Variants in LRMDA observed in about 807,000 individuals in gnomAD.
LRMDA encodes leucine rich melanocyte differentiation associated, also known as leucine-rich melanocyte differentiation-associated protein.
In LRMDA, 18 loss-of-function variants were observed where a neutral mutation model predicts 29.8. The observed-to-expected ratio is 0.60, with a 90% CI of 0.42 to 0.90. The LOEUF (loss-of-function observed/expected upper bound fraction) is 0.90, where lower values mean the gene tolerates loss of function less well. LRMDA is among the 40% of genes least tolerant of loss of function. The pLI is 0.00. For missense variants in LRMDA, 273 were observed against 273.9 expected (o/e 1.00, Z 0.02); for synonymous variants, 125 against 109.4 (o/e 1.14, Z -0.89).
intron 5 of LRMDA, among the ~76,000 whole-genome samples, chr10:76,140,654 T>C (rs1042642726): frequency 6.6e-5 from 10 of 152,094 alleles, no homozygotes; most frequent in Non-Finnish European, 1.5e-4. Flanking sequence ...CCAAAGACTT[T>C]CTCACCTTCT....
At chr10:76,441,132 G>A (rs1396893018) in intron 6 of LRMDA, among the ~76,000 whole-genome samples, 1 of 152,116 alleles carries the variant, frequency 6.6e-6, no homozygotes, top group Non-Finnish European at 1.5e-5. Flanking sequence ...GATGGTGCAT[G>A]AGTGATATTG....
intron 5 of LRMDA, among the ~76,000 whole-genome samples, chr10:76,209,815 C>T (rs1315231028): frequency 6.6e-6 from 1 of 152,084 alleles, no homozygotes; most frequent in Non-Finnish European, 1.5e-5. Flanking sequence ...AGCACCAGCA[C>T]ATGGGGACAC....
intron 2 of LRMDA, among the ~76,000 whole-genome samples, chr10:75,931,066 A>G (rs894485331): frequency 1.3e-5 from 2 of 152,198 alleles, no homozygotes; most frequent in Non-Finnish European, 2.9e-5. Flanking sequence ...ACAAGAGACA[A>G]TTATGCCATC....
chr10:76,387,611 A>T lies in LRMDA; in HGVS notation c.601+63126A>T, dbSNP rs144948174. Reference sequence around the variant, plus strand: ...GAATGAAACACTGTTTCAAAAAAAAAAAAAGTGGTATATTCAGATGATCAT... The same window carrying T: ...GAATGAAACACTGTTTCAAAAAAAATAAAAGTGGTATATTCAGATGATCAT... On this transcript the variant is annotated intron_variant, in intron 6 of 6. Coordinates refer to ENST00000611255, the MANE Select transcript of LRMDA (RefSeq NM_001305581.2). 6.4e-3 allele frequency among the ~76,000 whole-genome samples: 973 copies of T among 152,238 alleles called. 20 individuals carry two copies. Among genetic ancestry groups the T allele is most frequent in the African/African-American group, 0.021 (883 of 41,512 alleles).
intron 2 of LRMDA, among the ~76,000 whole-genome samples, chr10:75,633,740 C>T (rs958088131): frequency 5.3e-5 from 8 of 152,112 alleles, no homozygotes; most frequent in African/African-American, 1.9e-4. Flanking sequence ...GAATTCAAAG[C>T]TGGTAGTGTA....
At chr10:75,966,390 C>T (rs972689203) in intron 2 of LRMDA, among the ~76,000 whole-genome samples, 3 of 152,096 alleles carry the variant, frequency 2.0e-5, no homozygotes, top group African/African-American at 4.8e-5. Context: ...GAGGATTCAA[C>T]GAACCCATAC....
intron 6 of LRMDA, among the ~76,000 whole-genome samples, chr10:76,406,254 C>T (rs1293118042): frequency 6.6e-6 from 1 of 152,140 alleles, no homozygotes; most frequent in Non-Finnish European, 1.5e-5. Context: ...TGTTTCCGTG[C>T]CATCTTTTAA....
At chr10:76,035,494 C>G (rs1470762688) in intron 2 of LRMDA, among the ~76,000 whole-genome samples, 1 of 151,970 alleles carries the variant, frequency 6.6e-6, no homozygotes, top group Non-Finnish European at 1.5e-5. Flanking sequence ...CCTTCCCTGT[C>G]GTTTCCCCCG....
intron 2 of LRMDA, among the ~76,000 whole-genome samples, chr10:75,520,791 G>T (rs994067223): frequency 6.6e-6 from 1 of 152,212 alleles, no homozygotes; most frequent in African/African-American, 2.4e-5. Flanking sequence ...CAACTTTTCT[G>T]CTTTGGTTTC....
At chr10:75,753,854 G>A (rs779570722) in intron 2 of LRMDA, among the ~76,000 whole-genome samples, 3 of 152,134 alleles carry the variant, frequency 2.0e-5, no homozygotes, top group South Asian at 2.1e-4. Context: ...GGATAGATGC[G>A]GTGCTACGAA....
chr10:76,042,025 T>A (rs1848349361), intron 3 of LRMDA, among the ~76,000 whole-genome samples: 1 of 152,154 alleles, frequency 6.6e-6, no homozygotes, highest in South Asian at 2.1e-4. Flanking sequence ...TTTCTATGCA[T>A]CTTGACAAAA....
chr10:75,821,791 C>CAAAA (rs1246368516), intron 2 of LRMDA, among the ~76,000 whole-genome samples: 163 of 150,658 alleles, frequency 1.1e-3, no homozygotes, highest in Non-Finnish European at 2.0e-3. Flanking sequence ...AACAAACAAA[C>CAAAA]AAACAAAAAA....
At chr10:76,119,141 C>T (rs1392107933) in intron 5 of LRMDA, among the ~76,000 whole-genome samples, 1 of 151,364 alleles carries the variant, frequency 6.6e-6, no homozygotes, top group Non-Finnish European at 1.5e-5. Context: ...CATTCTTAGC[C>T]TGTCCTGTGT....
chr10:76,326,608 C>T (rs759594926), intron 6 of LRMDA, among the ~76,000 whole-genome samples: 4 of 152,186 alleles, frequency 2.6e-5, no homozygotes, highest in South Asian at 2.1e-4. Context: ...TTTTATTCAT[C>T]GAGTTCCCAA....
At chr10:75,804,444 A>C (rs1462125318) in intron 2 of LRMDA, among the ~76,000 whole-genome samples, 1 of 152,252 alleles carries the variant, frequency 6.6e-6, no homozygotes, top group Non-Finnish European at 1.5e-5. Flanking sequence ...GCAAGCGCAG[A>C]GTGACTGGTG....
At chr10:75,520,688 C>T (rs889114444) in intron 2 of LRMDA, among the ~76,000 whole-genome samples, 41 of 152,190 alleles carry the variant, frequency 2.7e-4, no homozygotes, top group African/African-American at 9.6e-4. Context: ...TCTGTCAGCT[C>T]GTCAAAGTCA....
intron 2 of LRMDA, among the ~76,000 whole-genome samples, chr10:75,801,589 G>A (rs1174183867): frequency 6.6e-6 from 1 of 152,156 alleles, no homozygotes; most frequent in African/African-American, 2.4e-5. Flanking sequence ...TGAGGGTCTA[G>A]GGAAGAGATC....
At chr10:75,969,122 GC>G (rs1466873708) in intron 2 of LRMDA, among the ~76,000 whole-genome samples, 2 of 152,124 alleles carry the variant, frequency 1.3e-5, no homozygotes, top group East Asian at 3.9e-4. Flanking sequence ...TTTTCTCTTT[GC>G]CTCTTGGGTG....
chr10:76,541,914 G>A (rs752979800), intron 6 of LRMDA, among the ~76,000 whole-genome samples: 1 of 152,148 alleles, frequency 6.6e-6, no homozygotes, highest in Non-Finnish European at 1.5e-5. Context: ...AATTCCTAAG[G>A]ATAGTGTTTC....
Sources: allele counts gnomAD v4.1 joint callset (sites outside exome capture counted in the v4.1 genomes callset), GRCh38; gene constraint gnomAD v4.1.1; transcripts MANE v1.5; gene names NCBI Gene and HGNC (gene_info 2026-07-23, HGNC 2026-07-21).